DDAH1: variants seen among roughly 807,000 people sequenced by gnomAD.
DDAH1 encodes N(G),N(G)-dimethylarginine dimethylaminohydrolase 1.
DDAH1 carries 19 observed loss-of-function variants against 28.8 expected under a neutral mutation model. The observed-to-expected ratio is 0.66, with a 90% CI of 0.46 to 0.97. DDAH1 has a LOEUF of 0.97. Ranked by LOEUF, DDAH1 falls within the 50% of genes least tolerant of loss-of-function variation. The probability of loss-of-function intolerance (pLI) is 0.00; values close to 1 mark genes in which losing one functional copy is unlikely to be tolerated. For missense variants in DDAH1, 326 were observed against 375.9 expected (o/e 0.87, Z 1.10); for synonymous variants, 153 against 154.4 (o/e 0.99, Z 0.07).
intron 1 of DDAH1, among the ~76,000 whole-genome samples, chr1:85,536,493 C>T (rs1658283237): frequency 6.6e-6 from 1 of 152,150 alleles, no homozygotes; most frequent in African/African-American, 2.4e-5. Context: ...GCGAAGGTTG[C>T]AGTGAGCCGA....
chr1:85,453,078 G>A (rs1435746158), intron 1 of DDAH1, among the ~76,000 whole-genome samples: 3 of 152,148 alleles, frequency 2.0e-5, no homozygotes, highest in Non-Finnish European at 4.4e-5. Context: ...CTCAGGGCAG[G>A]CGAGTGTTTC....
intron 1 of DDAH1, among the ~76,000 whole-genome samples, chr1:85,506,524 G>T (rs1307705989): frequency 6.6e-6 from 1 of 152,162 alleles, no homozygotes; most frequent in Non-Finnish European, 1.5e-5. Context: ...AGTAATAGCT[G>T]CCCCCTTCAG....
At chr1:85,404,673 T>A in intron 1 of DDAH1, 1 of 422,010 alleles carries the variant, frequency 2.4e-6, no homozygotes, top group Non-Finnish European at 3.7e-6. Context: ...ACGTAATAGC[T>A]TTTCCGTTCT....
intron 1 of DDAH1, among the ~76,000 whole-genome samples, chr1:85,363,820 A>T (rs951106152): frequency 1.3e-5 from 2 of 152,070 alleles, no homozygotes; most frequent in African/African-American, 4.8e-5. Flanking sequence ...TGATTTTATG[A>T]CATTGCTTAA....
intron 4 of DDAH1, among the ~76,000 whole-genome samples, chr1:85,345,431 G>T (rs1242855558): frequency 1.3e-5 from 2 of 151,904 alleles, no homozygotes; most frequent in Non-Finnish European, 2.9e-5. Context: ...AACTAATTTG[G>T]CCTAAATAAT....
exon 1 of DDAH1, chr1:85,578,042 C>T (rs1659661181): frequency 1.7e-5 from 17 of 985,408 alleles, no homozygotes; most frequent in Non-Finnish European, 1.9e-5. Context: ...CTGCGGCTCC[C>T]AGCGGAGGCG....
chr1:85,522,907 A>G (rs1657739303), intron 1 of DDAH1, among the ~76,000 whole-genome samples: 2 of 150,606 alleles, frequency 1.3e-5, no homozygotes, highest in Non-Finnish European at 2.9e-5. Flanking sequence ...AGCAAACATT[A>G]TGAGACACTT....
chr1:85,404,337 AG>A, intron 1 of DDAH1: 1 of 1,528,020 alleles, frequency 6.5e-7, no homozygotes. Context: ...AAAGCCTGAA[AG>A]ACCACATTCT....
intron 1 of DDAH1, among the ~76,000 whole-genome samples, chr1:85,554,281 T>TTG (rs1432282754): frequency 3.3e-5 from 5 of 149,452 alleles, no homozygotes; most frequent in Admixed American, 6.6e-5. Flanking sequence ...TAAGAGTTTT[T>TTG]TTTTTTTTTT....
At chr1:85,525,348 A>T (rs1462217764) in intron 1 of DDAH1, among the ~76,000 whole-genome samples, 4 of 152,248 alleles carry the variant, frequency 2.6e-5, no homozygotes, top group Non-Finnish European at 1.5e-5. Context: ...ATATCTGAAC[A>T]TGTTTCTAGC....
chr1:85,397,833 T>C (rs1470816104), intron 1 of DDAH1, among the ~76,000 whole-genome samples: 2 of 152,176 alleles, frequency 1.3e-5, no homozygotes, highest in Admixed American at 6.5e-5. Context: ...GTGTTGAAGG[T>C]AGGGCCTGGT....
At chr1:85,377,887 A>G (rs1220108958) in intron 1 of DDAH1, among the ~76,000 whole-genome samples, 1 of 152,198 alleles carries the variant, frequency 6.6e-6, no homozygotes, top group Non-Finnish European at 1.5e-5. Flanking sequence ...AACTGTAACA[A>G]AATTTTTGTA....
At chr1:85,510,519 T>C (rs1657185559) in intron 1 of DDAH1, among the ~76,000 whole-genome samples, 1 of 152,068 alleles carries the variant, frequency 6.6e-6, no homozygotes, top group African/African-American at 2.4e-5. Context: ...TAAATGTAAA[T>C]GGACTAAATG....
chr1:85,364,812 G>A (rs1649980928), intron 1 of DDAH1, among the ~76,000 whole-genome samples: 1 of 152,148 alleles, frequency 6.6e-6, no homozygotes, highest in South Asian at 2.1e-4. Flanking sequence ...CCAAAGTGCT[G>A]GGATTACAGG....
At chr1:85,524,694 T>C (rs1262245783) in intron 1 of DDAH1, among the ~76,000 whole-genome samples, 4 of 152,118 alleles carry the variant, frequency 2.6e-5, no homozygotes, top group African/African-American at 9.7e-5. Flanking sequence ...GGAAGCTTGC[T>C]TGTGGCACTC....
chr1:85,344,317 A>C (rs1315914355), intron 4 of DDAH1, among the ~76,000 whole-genome samples: 1 of 151,858 alleles, frequency 6.6e-6, no homozygotes, highest in African/African-American at 2.4e-5. Context: ...AATATACACA[A>C]ATGTAATATA....
intron 1 of DDAH1, among the ~76,000 whole-genome samples, chr1:85,557,341 T>C (rs1372979687): frequency 6.6e-6 from 1 of 152,214 alleles, no homozygotes; most frequent in Non-Finnish European, 1.5e-5. Context: ...CTATGTGACA[T>C]GCACTATTCT....
rs544325039 is a variant in DDAH1, at chr1:85,405,872, T to G, written c.304-47025A>C. Reference sequence around the variant, plus strand: ...GTAATGAATGCTCTCAGCCACTCACTCGAATACGTTTCTTTTGAAATTAGA... The same window carrying G: ...GTAATGAATGCTCTCAGCCACTCACGCGAATACGTTTCTTTTGAAATTAGA... On this transcript the variant is annotated intron_variant, in intron 1 of 5. Transcript: ENST00000284031. Among the ~76,000 whole-genome samples, 3 of 152,304 alleles carry G rather than the reference T, an allele frequency of 2.0e-5. No homozygotes were observed. In the East Asian group the frequency reaches 5.8e-4, roughly 29 times the overall value.
At chr1:85,379,510 A>C (rs943135555) in intron 1 of DDAH1, 68 of 845,408 alleles carry the variant, frequency 8.0e-5, no homozygotes, top group Non-Finnish European at 9.7e-5. Flanking sequence ...AATATTTCCA[A>C]AGGCAAATTT....
Sources: gnomAD v4.1 joint callset for allele counts (sites outside exome capture counted in the v4.1 genomes callset) on GRCh38, gnomAD v4.1.1 for gene constraint, MANE v1.5 for transcripts, NCBI Gene and HGNC (gene_info 2026-07-23, HGNC 2026-07-21) for gene names.